The following PTPRM variants were observed in gnomAD, a reference collection of about 807,000 sequenced individuals.
The protein encoded by PTPRM is receptor-type tyrosine-protein phosphatase mu.
In PTPRM, 47 loss-of-function variants were observed where a neutral mutation model predicts 186.7. That is an observed-to-expected ratio of 0.25 (90% CI 0.20 to 0.32). The LOEUF is 0.32. Among genes scored for constraint, PTPRM ranks in the 10% least tolerant of loss-of-function variants. The pLI is 1.00. For synonymous variants in PTPRM, 668 were observed against 674.9 expected, an observed-to-expected ratio of 0.99 and a Z score of 0.16; for missense variants, 1,494 against 1,865.0, an observed-to-expected ratio of 0.80 and a Z score of 3.66.
chr18:7,608,489 T>A (rs1258239974), intron 1 of PTPRM, among the ~76,000 whole-genome samples: 1 of 152,186 alleles, frequency 6.6e-6, no homozygotes, highest in African/African-American at 2.4e-5. Context: ...AAGCTCTACA[T>A]TGATCTCTGG....
At chr18:8,003,785 G>A (rs115511876) in intron 7 of PTPRM, among the ~76,000 whole-genome samples, 3 of 152,164 alleles carry the variant, frequency 2.0e-5, no homozygotes, top group Admixed American at 2.0e-4. Context: ...ACATTTGAGG[G>A]CCTATTACAT....
chr18:7,766,972 A>G (rs118179080), intron 1 of PTPRM, among the ~76,000 whole-genome samples: 2,664 of 152,296 alleles, frequency 0.017, 17 homozygotes, highest in Non-Finnish European at 0.025. Context: ...AGACATGTTG[A>G]GTGAGATAAA....
At chr18:8,218,853 T>C (rs571225075) in intron 14 of PTPRM, among the ~76,000 whole-genome samples, 2 of 152,316 alleles carry the variant, frequency 1.3e-5, no homozygotes, top group Non-Finnish European at 2.9e-5. Context: ...TTTGGCTACT[T>C]TTTCAGAACA....
At chr18:8,213,413 A>C (rs2094034324) in intron 14 of PTPRM, among the ~76,000 whole-genome samples, 1 of 152,216 alleles carries the variant, frequency 6.6e-6, no homozygotes, top group Non-Finnish European at 1.5e-5. Context: ...TTTAACGGTC[A>C]CCCGTGTTTA....
intron 7 of PTPRM, among the ~76,000 whole-genome samples, chr18:8,029,865 C>G (rs912430921): frequency 6.6e-6 from 1 of 152,168 alleles, no homozygotes; most frequent in Admixed American, 6.5e-5. Context: ...ACTTTCCTGC[C>G]CCCTGTGTGA....
chr18:7,717,658 C>A (rs1373166357), intron 1 of PTPRM, among the ~76,000 whole-genome samples: 1 of 152,230 alleles, frequency 6.6e-6, no homozygotes. Flanking sequence ...CTTAAGTCAT[C>A]TGTGGACAGC....
At chr18:8,224,830 AC>A (rs2094194621) in intron 14 of PTPRM, among the ~76,000 whole-genome samples, 2 of 152,282 alleles carry the variant, frequency 1.3e-5, no homozygotes, top group Admixed American at 6.5e-5. Context: ...AGTTATCTGG[AC>A]TTGCTGTGAA....
chr18:7,920,261 C>A (rs916270156), intron 4 of PTPRM, among the ~76,000 whole-genome samples: 6 of 152,116 alleles, frequency 3.9e-5, no homozygotes, highest in African/African-American at 7.2e-5. Context: ...TGTAGCTCTT[C>A]TCTTTCTTCC....
chr18:7,873,634 G>C (rs1207645232), intron 2 of PTPRM, among the ~76,000 whole-genome samples: 1 of 152,194 alleles, frequency 6.6e-6, no homozygotes, highest in Non-Finnish European at 1.5e-5. Flanking sequence ...GGGAAGTCAA[G>C]ATGATTGCTT....
intron 3 of PTPRM, among the ~76,000 whole-genome samples, chr18:7,891,669 G>A (rs932826648): frequency 4.6e-5 from 7 of 152,040 alleles, no homozygotes; most frequent in African/African-American, 1.7e-4. Context: ...GAGGTCACGA[G>A]TTCAGGACCA....
intron 19 of PTPRM, among the ~76,000 whole-genome samples, chr18:8,256,270 T>C (rs1293439442): frequency 6.6e-6 from 1 of 152,186 alleles, no homozygotes; most frequent in African/African-American, 2.4e-5. Flanking sequence ...ACACAGGCTC[T>C]GGCACCCGAC....
At chr18:7,854,798 T>C (rs2047018068) in intron 2 of PTPRM, among the ~76,000 whole-genome samples, 1 of 151,930 alleles carries the variant, frequency 6.6e-6, no homozygotes, top group Middle Eastern at 3.2e-3. Context: ...CCTAGAAGTT[T>C]TCTGTGTAAA....
rs73385674 is a variant in PTPRM, at chr18:8,042,573, C to G, written c.1133-27113C>G. Among the ~76,000 whole-genome samples, 1,225 of 152,134 alleles carry G rather than the reference C, an allele frequency of 8.1e-3. 20 individuals are homozygous for G. Among genetic ancestry groups the G allele is most frequent in the African/African-American group, 0.029 (1,184 of 41,500 alleles). On this transcript the variant is annotated intron_variant, in intron 7 of 32. Coordinates refer to ENST00000580170, the MANE Select transcript of PTPRM (RefSeq NM_001105244.2). The stretch of plus-strand genomic sequence containing the variant: ...TTTTTAAATGCTTTTCTTGGAATTG[C>G]CATCTATGTTGCTGGCTTGAACAAT...
intron 3 of PTPRM, among the ~76,000 whole-genome samples, chr18:7,902,213 T>C (rs1238062502): frequency 6.6e-6 from 1 of 152,214 alleles, no homozygotes; most frequent in African/African-American, 2.4e-5. Context: ...GAAACATATT[T>C]GTAATCAGCT....
At chr18:7,975,723 G>C (rs540749743) in intron 7 of PTPRM, among the ~76,000 whole-genome samples, 1 of 152,266 alleles carries the variant, frequency 6.6e-6, no homozygotes, top group South Asian at 2.1e-4. Context: ...ACAGTATTCA[G>C]TACAGTAACA....
chr18:7,826,768 G>A (rs2145673093), intron 2 of PTPRM, among the ~76,000 whole-genome samples: 1 of 152,046 alleles, frequency 6.6e-6, no homozygotes, highest in Admixed American at 6.6e-5. Context: ...CCTTTTTCTG[G>A]GCATAGATAA....
At chr18:7,624,316 A>G (rs2038008304) in intron 1 of PTPRM, among the ~76,000 whole-genome samples, 1 of 152,170 alleles carries the variant, frequency 6.6e-6, no homozygotes, top group Non-Finnish European at 1.5e-5. Context: ...ATAAGGTCAG[A>G]GTACATCCTT....
Position 7,949,378 on chromosome 18 carries a change from A to T in PTPRM, c.838+23A>T, listed in dbSNP as rs182335741. On this transcript the variant is annotated intron_variant, in intron 6 of 32. Transcript: ENST00000580170. ...AAGGTATTTAATGTGTTTTTATACCAGAATATTCTTCTAAAGTAGATATGT... is the reference window on the plus strand; with the variant it reads ...AAGGTATTTAATGTGTTTTTATACCTGAATATTCTTCTAAAGTAGATATGT... The T allele has an allele frequency of 5.8e-4, 909 of 1,576,456 alleles. 2 individuals carry two copies. The African/African-American group carries it at 0.011, about 19-fold the overall frequency.
At chr18:8,292,622 AAC>A (rs1236191060) in intron 19 of PTPRM, among the ~76,000 whole-genome samples, 3 of 152,310 alleles carry the variant, frequency 2.0e-5, no homozygotes, top group Non-Finnish European at 4.4e-5. Flanking sequence ...TTTTTTAAAA[AAC>A]ACATTTTGCC....
Sources: gnomAD v4.1 joint callset for allele counts (sites outside exome capture counted in the v4.1 genomes callset) on GRCh38, gnomAD v4.1.1 for gene constraint, MANE v1.5 for transcripts, NCBI Gene and HGNC (gene_info 2026-07-23, HGNC 2026-07-21) for gene names.